WDR27: variants seen among roughly 807,000 people sequenced by gnomAD.
WDR27 encodes WD repeat domain 27.
A neutral mutation model predicts 114.4 loss-of-function variants in WDR27; 100 were observed. The ratio of observed to expected loss-of-function variants is 0.87; its 90% confidence interval spans 0.74 to 1.03. WDR27 has a LOEUF of 1.03. Among genes scored for constraint, WDR27 ranks in the 50% least tolerant of loss-of-function variants. The pLI is 0.00. For missense variants in WDR27, 1,129 were observed against 1,092.9 expected, an observed-to-expected ratio of 1.03 and a Z score of -0.47; for synonymous variants, 449 against 423.1, an observed-to-expected ratio of 1.06 and a Z score of -0.75.
intron 25 of WDR27, among the ~76,000 whole-genome samples, chr6:169,517,278 G>C (rs557551432): frequency 6.6e-6 from 1 of 152,304 alleles, no homozygotes; most frequent in South Asian, 2.1e-4. Context: ...CCCAGAAGCT[G>C]AGCAGATACC....
At position 169,665,400 on chromosome 6, in the gene WDR27, A is replaced by T. The variant is rs1042888586; in HGVS notation, c.783+86T>A. On this transcript the variant is annotated intron_variant, in intron 7 of 25. Transcript: ENST00000448612. ...TTTTTTCAAATCGCAGGAAAATACA[A>T]AGTAGCATGAAGACAAAGACCTTTG... 1.5e-5 allele frequency: 22 copies of T among 1,514,888 alleles called. No individual in the cohort carries two copies. The East Asian group carries it at 4.9e-4, about 34-fold the overall frequency. 93.8% of individuals were successfully genotyped at this position (1,514,888 alleles called of 1,614,324 possible). A position where few individuals can be genotyped will look rare whatever the true frequency, so the allele number is the denominator to read the frequency against.
rs1678947166 is a variant in WDR27 at position 169,642,419 on chromosome 6, CCA to C, written c.1747+1276_1747+1277del. Among the ~76,000 whole-genome samples the C allele has an allele frequency of 5.3e-5, 8 of 152,174 alleles. No homozygotes were observed. The South Asian group carries it at 1.7e-3, about 32-fold the overall frequency. ...AACAATAAAATACACAGGGAAACAC[CCA>C]CAGTCAACAGAACAACCACTCATAT... On this transcript the variant is annotated intron_variant, in intron 17 of 25. Transcript: ENST00000448612.
chr6:169,578,518 T>C (rs1000221169), intron 24 of WDR27, among the ~76,000 whole-genome samples: 7 of 152,290 alleles, frequency 4.6e-5, no homozygotes, highest in Middle Eastern at 3.4e-3. Flanking sequence ...CTTATTACAA[T>C]TGTGTGCAGC....
rs933712718 is a variant in WDR27 at position 169,512,524 on chromosome 6, C to T, written c.2646-54890G>A. ...AATGTTAATTCATTTAGCTACTTTA[C>T]TCTAGAGGAGTCTAAGATTAGCAAA... On this transcript the variant is annotated intron_variant, in intron 25 of 25. Coordinates refer to ENST00000448612, the MANE Select transcript of WDR27 (RefSeq NM_182552.5). Among the ~76,000 whole-genome samples, 233 of 152,312 alleles carry T rather than the reference C, an allele frequency of 1.5e-3. 2 individuals carry two copies. Among genetic ancestry groups the T allele is most frequent in the African/African-American group, 5.4e-3 (226 of 41,572 alleles).
chr6:169,525,502 C>T (rs1461793825), intron 25 of WDR27, among the ~76,000 whole-genome samples: 1 of 145,462 alleles, frequency 6.9e-6, no homozygotes, highest in Non-Finnish European at 1.5e-5. Flanking sequence ...GGCCACTGTA[C>T]TCCAGCCTGG....
At chr6:169,588,964 T>C (rs531606986) in intron 23 of WDR27, among the ~76,000 whole-genome samples, 2 of 152,296 alleles carry the variant, frequency 1.3e-5, no homozygotes, top group African/African-American at 4.8e-5. Flanking sequence ...CCAAACTGAT[T>C]TTTCTGACTA....
At position 169,701,781 on chromosome 6, in the gene WDR27, C is replaced by CT; in HGVS notation, c.-239dup. ...CACGGCGGAACCCTCAAATCGCCCC[C>CT]TTTCCTAGAGACCTCAGCGGAGCCG... is the stretch of plus-strand genomic sequence containing the variant. On this transcript the variant is annotated 5_prime_UTR_variant, in exon 1 of 26. Transcript: ENST00000448612. 7.3e-6 allele frequency: 2 copies of CT among 273,078 alleles called. No individual in the cohort carries two copies. Among genetic ancestry groups the CT allele is most frequent in the South Asian group, 6.3e-5 (2 of 31,758 alleles). 16.9% of individuals were successfully genotyped at this position (273,078 alleles called of 1,614,324 possible). A position where few individuals can be genotyped will look rare whatever the true frequency, so the allele number is the denominator to read the frequency against.
intron 25 of WDR27, among the ~76,000 whole-genome samples, chr6:169,476,981 G>A (rs1787264893): frequency 6.6e-6 from 1 of 152,312 alleles, no homozygotes; most frequent in South Asian, 2.1e-4. Flanking sequence ...AGTGACATTT[G>A]TGTCTTTAAC....
At chr6:169,591,771 C>T (rs974311882) in intron 23 of WDR27, among the ~76,000 whole-genome samples, 6 of 152,152 alleles carry the variant, frequency 3.9e-5, no homozygotes, top group African/African-American at 1.4e-4. Context: ...GACAGTAGTG[C>T]ATGCCTAAGG....
intron 1 of WDR27, among the ~76,000 whole-genome samples, chr6:169,697,679 G>A (rs1194584643): frequency 6.6e-6 from 1 of 152,234 alleles, no homozygotes; most frequent in Non-Finnish European, 1.5e-5. Flanking sequence ...AACGGTGTAA[G>A]TTGTTTCTCT....
At chr6:169,576,910 A>T (rs1405325722) in intron 24 of WDR27, among the ~76,000 whole-genome samples, 2 of 152,176 alleles carry the variant, frequency 1.3e-5, no homozygotes, top group Admixed American at 6.5e-5. Context: ...AGAAAGAAAG[A>T]TGGTAACTTT....
intron 1 of WDR27, among the ~76,000 whole-genome samples, chr6:169,693,314 C>T (rs1784979035): frequency 6.6e-6 from 1 of 152,168 alleles, no homozygotes; most frequent in Non-Finnish European, 1.5e-5. Flanking sequence ...ACCAAGCTAG[C>T]ACTACAAGAA....
At chr6:169,514,377 T>C (rs747690349) in intron 25 of WDR27, among the ~76,000 whole-genome samples, 1 of 150,404 alleles carries the variant, frequency 6.6e-6, no homozygotes, top group East Asian at 1.9e-4. Flanking sequence ...TTTGCAAAAT[T>C]ATAGTGTTTT....
the WDR27 span, among the ~76,000 whole-genome samples, chr6:169,439,912 A>C: frequency 6.8e-6 from 1 of 148,012 alleles, no homozygotes; most frequent in Non-Finnish European, 1.5e-5. Flanking sequence ...TGGTAGTTAT[A>C]TTACCAATAT....
At chr6:169,507,786 C>T (rs576642191) in intron 25 of WDR27, among the ~76,000 whole-genome samples, 1 of 152,254 alleles carries the variant, frequency 6.6e-6, no homozygotes, top group South Asian at 2.1e-4. Context: ...ACAGACACAT[C>T]CTCTTGAGTA....
chr6:169,630,388 T>A (rs1816040069), intron 21 of WDR27, among the ~76,000 whole-genome samples: 1 of 152,174 alleles, frequency 6.6e-6, no homozygotes, highest in Non-Finnish European at 1.5e-5. Context: ...AGTGAACAGA[T>A]TCCAGGTTCC....
chr6:169,504,739 C>A (rs1045661351), intron 25 of WDR27, among the ~76,000 whole-genome samples: 1 of 152,100 alleles, frequency 6.6e-6, no homozygotes, highest in Non-Finnish European at 1.5e-5. Flanking sequence ...GAAAAAGCCT[C>A]CTGAGTAGCT....
At chr6:169,480,571 C>G (rs770123934) in intron 25 of WDR27, among the ~76,000 whole-genome samples, 1 of 152,238 alleles carries the variant, frequency 6.6e-6, no homozygotes, top group Non-Finnish European at 1.5e-5. Context: ...CCAATCAGCA[C>G]TCTGTGTCTA....
chr6:169,489,264 TAAC>T (rs1789398007), intron 25 of WDR27, among the ~76,000 whole-genome samples: 1 of 152,206 alleles, frequency 6.6e-6, no homozygotes, highest in South Asian at 2.1e-4. Flanking sequence ...ACGAGACTCT[TAAC>T]AGTGTCTCAA....
Sources: gnomAD v4.1 joint callset for allele counts (sites outside exome capture counted in the v4.1 genomes callset) on GRCh38, gnomAD v4.1.1 for gene constraint, MANE v1.5 for transcripts, NCBI Gene and HGNC (gene_info 2026-07-23, HGNC 2026-07-21) for gene names.